AGAP1: variants seen among roughly 807,000 people sequenced by gnomAD.
The protein encoded by AGAP1 is arf-GAP with GTPase, ANK repeat and PH domain-containing protein 1.
AGAP1 carries 29 observed loss-of-function variants against 105.3 expected under a neutral mutation model. The observed-to-expected ratio is 0.28, with a 90% confidence interval of 0.21 to 0.38. The LOEUF (loss-of-function observed/expected upper bound fraction) is 0.38. AGAP1 is among the 10% of genes least tolerant of loss of function. AGAP1 has a pLI of 1.00. For synonymous variants in AGAP1, 509 were observed against 485.9 expected (o/e 1.05, Z -0.63); for missense variants, 998 against 1,165.1 (o/e 0.86, Z 2.09).
At chr2:235,607,769 C>T (rs1246288223) in intron 1 of AGAP1, among the ~76,000 whole-genome samples, 4 of 152,184 alleles carry the variant, frequency 2.6e-5, no homozygotes, top group East Asian at 1.9e-4. Context: ...GGAAGGGCAG[C>T]GGGGCGCGAG....
intron 4 of AGAP1, among the ~76,000 whole-genome samples, chr2:235,743,998 A>C (rs1464883014): frequency 6.6e-6 from 1 of 152,208 alleles, no homozygotes; most frequent in Non-Finnish European, 1.5e-5. Flanking sequence ...TCAAAAGAGG[A>C]TGTGATGTAG....
At chr2:235,821,609 T>C (rs1423391258) in intron 9 of AGAP1, among the ~76,000 whole-genome samples, 1 of 152,162 alleles carries the variant, frequency 6.6e-6, no homozygotes, top group Non-Finnish European at 1.5e-5. Context: ...AAAGACTCCA[T>C]ATACCCTTCA....
chr2:235,671,225 G>A (rs748395719), intron 1 of AGAP1, among the ~76,000 whole-genome samples: 1 of 152,216 alleles, frequency 6.6e-6, no homozygotes, highest in Non-Finnish European at 1.5e-5. Flanking sequence ...GCGGTCCTGG[G>A]TTTTCTGGCT....
chr2:235,695,053 C>T (rs1949933592), intron 1 of AGAP1, among the ~76,000 whole-genome samples: 1 of 152,206 alleles, frequency 6.6e-6, no homozygotes, highest in Non-Finnish European at 1.5e-5. Flanking sequence ...TGTATAACCT[C>T]AAAACCAGTT....
At chr2:235,518,200 A>G (rs1461105890) in intron 1 of AGAP1, among the ~76,000 whole-genome samples, 1 of 152,158 alleles carries the variant, frequency 6.6e-6, no homozygotes, top group Non-Finnish European at 1.5e-5. Flanking sequence ...TTGTTTCTGT[A>G]ACTCTGGTGT....
Position 235,692,661 on chromosome 2 carries a change from C to T in AGAP1, c.164-16518C>T, listed in dbSNP as rs888433060. 1.2e-4 allele frequency among the ~76,000 whole-genome samples: 18 copies of T among 152,264 alleles called. No homozygotes were observed. The highest frequency in any genetic ancestry group is 1.2e-3 in the Admixed American group (18 of 15,296). The stretch of plus-strand genomic sequence containing the variant: ...CCCTCGCTGACCCTCAGCCCTCAGG[C>T]CCAGCACCTCAGAGAAGCCGATGAC... On this transcript the variant is annotated intron_variant, in intron 1 of 17. Coordinates refer to ENST00000304032, the MANE Select transcript of AGAP1 (RefSeq NM_001037131.3). This position sits in a 1 kb window ranked among gnomAD's most constrained non-coding sequence, Gnocchi z 5.8.
In AGAP1 at chr2:235,906,067, T is replaced by C. The variant is rs542932171; in HGVS notation, c.1156-2671T>C. ...ACCCTCCCGTTACCCGAACCCACCA[T>C]GACAGCTTTCCTCCAAGGGGGCTGT... On this transcript the variant is annotated intron_variant, in intron 10 of 17. Transcript: ENST00000304032. This position sits in a 1 kb window ranked among gnomAD's most constrained non-coding sequence, Gnocchi z 5.3. Among the ~76,000 whole-genome samples, 4 of 152,258 alleles carry C rather than the reference T, an allele frequency of 2.6e-5. 1 individual carries two copies. Among genetic ancestry groups the C allele is most frequent in the African/African-American group, 7.2e-5 (3 of 41,554 alleles).
At position 236,124,146 on chromosome 2, in the gene AGAP1, G is replaced by C. The variant is rs376283574; in HGVS notation, c.*24G>C. 15 of 1,608,726 alleles carry C rather than the reference G, an allele frequency of 9.3e-6. No individual in the cohort carries two copies. The highest frequency in any genetic ancestry group is 1.3e-5 in the Non-Finnish European group (15 of 1,176,100). On this transcript the variant is annotated 3_prime_UTR_variant, in exon 18 of 18. Transcript: ENST00000304032. The surrounding 1 kb of genome is among the most constrained non-coding windows in gnomAD (Gnocchi z 5.1). ...GAGGAACAGCCGTGCCCGCCTGCTCGCCGCACCTGGGACGCGGCAGCCTCG... is the reference window on the plus strand; with the variant it reads ...GAGGAACAGCCGTGCCCGCCTGCTCCCCGCACCTGGGACGCGGCAGCCTCG...
rs1202489005 is a variant in AGAP1 at position 235,874,519 on chromosome 2, C to G, written c.1051-8826C>G. On this transcript the variant is annotated intron_variant, in intron 9 of 17. Transcript: ENST00000304032. This position sits in a 1 kb window ranked among gnomAD's most constrained non-coding sequence, Gnocchi z 4.5. Reference sequence around the variant, plus strand: ...ATCACTCTAGGTGCTTTCACCTAGGCAGAGCAACCGAAGTGCACTTTGCAG... The same window carrying G: ...ATCACTCTAGGTGCTTTCACCTAGGGAGAGCAACCGAAGTGCACTTTGCAG... 6.6e-6 allele frequency among the ~76,000 whole-genome samples: 1 copy of G among 152,216 alleles called. No homozygotes were observed. Among genetic ancestry groups the G allele is most frequent in the Non-Finnish European group, 1.5e-5 (1 of 68,044 alleles).
intron 1 of AGAP1, among the ~76,000 whole-genome samples, chr2:235,598,305 G>A (rs1406101906): frequency 1.3e-5 from 2 of 152,122 alleles, no homozygotes; most frequent in African/African-American, 4.8e-5. Flanking sequence ...ACCCTGAACT[G>A]GAATAATTGG....
Position 235,589,189 on chromosome 2 carries a change from GTTTTGTT to G in AGAP1, c.163+94345_163+94351del, listed in dbSNP as rs1206602657. 1.7e-3 allele frequency among the ~76,000 whole-genome samples: 95 copies of G among 54,928 alleles called. 4 individuals carry two copies. The highest frequency in any genetic ancestry group is 4.1e-3 in the African/African-American group (82 of 19,766). The allele number at this position is 54,928 out of a possible 152,430, so 36.0% of individuals were successfully genotyped here. A position where few individuals can be genotyped will look rare whatever the true frequency, so the allele number is the denominator to read the frequency against. ...GAGAACTACCAGTTAATAGCTTATT[GTTTTGTT>G]TTTTTTTTTTTTTTTTTTTTTTTTT... is the stretch of plus-strand genomic sequence containing the variant. On this transcript the variant is annotated intron_variant, in intron 1 of 17. Coordinates refer to ENST00000304032, the MANE Select transcript of AGAP1 (RefSeq NM_001037131.3).
rs184448484 is a variant in AGAP1, at chr2:235,866,348, G to T, written c.1051-16997G>T. On this transcript the variant is annotated intron_variant, in intron 9 of 17. Coordinates refer to ENST00000304032, the MANE Select transcript of AGAP1 (RefSeq NM_001037131.3). This position sits in a 1 kb window ranked among gnomAD's most constrained non-coding sequence, Gnocchi z 6.1. Reference sequence around the variant, plus strand: ...ATTCCCACCGAGGGAGACAATCCGTGTGTGTGATCGGGGTGTTCTGGACTT... The same window carrying T: ...ATTCCCACCGAGGGAGACAATCCGTTTGTGTGATCGGGGTGTTCTGGACTT... 6.6e-6 allele frequency among the ~76,000 whole-genome samples: 1 copy of T among 152,200 alleles called. No individual in the cohort carries two copies. Among genetic ancestry groups the T allele is most frequent in the Non-Finnish European group, 1.5e-5 (1 of 68,040 alleles).
rs1432308079 is a variant in AGAP1 at position 236,053,234 on chromosome 2, C to G, written c.2114+3953C>G. On this transcript the variant is annotated intron_variant, in intron 16 of 17. Coordinates refer to ENST00000304032, the MANE Select transcript of AGAP1 (RefSeq NM_001037131.3). The surrounding 1 kb of genome is among the most constrained non-coding windows in gnomAD (Gnocchi z 4.6). ...AAGCTCAGAGGTGAAGATGTTAAAA[C>G]AGTCGTGCGAACGTCTCCTGCATGA... 6.6e-6 allele frequency among the ~76,000 whole-genome samples: 1 copy of G among 152,224 alleles called. No individual in the cohort carries two copies. Among genetic ancestry groups the G allele is most frequent in the African/African-American group, 2.4e-5 (1 of 41,454 alleles).
At chr2:236,048,469 A>C (rs540424355) in intron 15 of AGAP1, among the ~76,000 whole-genome samples, 142 of 152,374 alleles carry the variant, frequency 9.3e-4, no homozygotes, top group African/African-American at 3.3e-3. Context: ...CCTGCAGTGC[A>C]GTTGCTTCAG....
intron 9 of AGAP1, among the ~76,000 whole-genome samples, chr2:235,859,943 G>C (rs142012048): frequency 6.6e-6 from 1 of 152,186 alleles, no homozygotes; most frequent in Admixed American, 6.5e-5. Flanking sequence ...TGGCCACTGC[G>C]AATGTCTCTT....
chr2:235,602,389 G>A (rs903747279), intron 1 of AGAP1, among the ~76,000 whole-genome samples: 5 of 152,088 alleles, frequency 3.3e-5, no homozygotes, highest in East Asian at 1.9e-4. Context: ...TCCCTGGCCC[G>A]TGGCAGTGGA....
In AGAP1 at chr2:235,723,023, A is replaced by C. The variant is rs918733542; in HGVS notation, c.310+5379A>C. Among the ~76,000 whole-genome samples the C allele has an allele frequency of 6.6e-6, 1 of 152,184 alleles. No homozygotes were observed. The highest frequency in any genetic ancestry group is 1.5e-5 in the Non-Finnish European group (1 of 68,040). ...CTTGGTTTAGACGGTCGCTGCACTT[A>C]GAACTGTTGGAGTTGGCCCCATCAC... is the stretch of plus-strand genomic sequence containing the variant. On this transcript the variant is annotated intron_variant, in intron 3 of 17. Coordinates refer to ENST00000304032, the MANE Select transcript of AGAP1 (RefSeq NM_001037131.3). The surrounding 1 kb of genome is among the most constrained non-coding windows in gnomAD (Gnocchi z 6.2).
chr2:236,016,994 A>G (rs754541410), intron 13 of AGAP1, among the ~76,000 whole-genome samples: 1 of 152,140 alleles, frequency 6.6e-6, no homozygotes, highest in Non-Finnish European at 1.5e-5. Context: ...TTAATAATGT[A>G]TTACAGAATT....
chr2:235,798,924 C>A (rs78452782), intron 7 of AGAP1, among the ~76,000 whole-genome samples: 3,982 of 145,604 alleles, frequency 0.027, 170 homozygotes, highest in African/African-American at 0.092. Context: ...GTTTAATTTT[C>A]TGTGAATCTT....
Sources: allele counts gnomAD v4.1 joint callset (sites outside exome capture counted in the v4.1 genomes callset), GRCh38; gene constraint gnomAD v4.1.1; non-coding constraint Gnocchi (gnomAD v3.1); transcripts MANE v1.5; gene names NCBI Gene and HGNC (gene_info 2026-07-23, HGNC 2026-07-21).